Variants in UNC13C observed in about 807,000 individuals in gnomAD.
UNC13C encodes the protein unc-13 homolog C.
Under a neutral mutation model 245.4 loss-of-function variants are expected in UNC13C, and 174 were observed. The observed-to-expected ratio is 0.71, with a 90% CI of 0.63 to 0.80. The LOEUF (loss-of-function observed/expected upper bound fraction) is 0.80. Ranked by LOEUF, UNC13C falls within the 30% of genes least tolerant of loss-of-function variation. UNC13C has a pLI of 0.00. For synonymous variants in UNC13C, 992 were observed against 895.1 expected, an observed-to-expected ratio of 1.11 and a Z score of -1.93; for missense variants, 2,829 against 2,602.9, an observed-to-expected ratio of 1.09 and a Z score of -1.89.
At chr15:54,086,172 T>C (rs2141126900) in intron 2 of UNC13C, among the ~76,000 whole-genome samples, 1 of 152,330 alleles carries the variant, frequency 6.6e-6, no homozygotes, top group African/African-American at 2.4e-5. Flanking sequence ...ACATTTGGTC[T>C]ATCTAGCTGT....
At chr15:54,096,994 A>G (rs1438062784) in intron 2 of UNC13C, among the ~76,000 whole-genome samples, 1 of 152,314 alleles carries the variant, frequency 6.6e-6, no homozygotes, top group Admixed American at 6.5e-5. Context: ...ATATATTCCC[A>G]TATATTTCTG....
intron 14 of UNC13C, among the ~76,000 whole-genome samples, chr15:54,329,081 G>GTT (rs36002521): frequency 0.01 from 1,258 of 121,554 alleles, 19 homozygotes; most frequent in African/African-American, 0.036. Context: ...ATTAAACCAA[G>GTT]TTTTTTTTTT....
intron 17 of UNC13C, among the ~76,000 whole-genome samples, chr15:54,375,383 G>A (rs1044375117): frequency 6.6e-6 from 1 of 152,182 alleles, no homozygotes; most frequent in East Asian, 1.9e-4. Context: ...ATAACCACCA[G>A]TGAGTAATGC....
Position 54,268,307 on chromosome 15 carries a change from G to A in UNC13C, c.3818+2811G>A, listed in dbSNP as rs750657306. Among the ~76,000 whole-genome samples the A allele has an allele frequency of 4.6e-5, 7 of 151,914 alleles. No homozygotes were observed. The East Asian group carries it at 1.2e-3, about 25-fold the overall frequency. Reference sequence around the variant, plus strand: ...TTTCCATCCTAGGAAATCCTAACTGGGTCTTTGCATCTTCCATGCCTCAAC... The same window carrying A: ...TTTCCATCCTAGGAAATCCTAACTGAGTCTTTGCATCTTCCATGCCTCAAC... On this transcript the variant is annotated intron_variant, in intron 10 of 32. Transcript: ENST00000260323.
chr15:54,547,304 G>A (rs1195372567), intron 27 of UNC13C, among the ~76,000 whole-genome samples: 1 of 152,044 alleles, frequency 6.6e-6, no homozygotes, highest in Non-Finnish European at 1.5e-5. Context: ...AATAGAGGAG[G>A]CATCTTTTAG....
chr15:54,271,688 T>G (rs1341929713), intron 10 of UNC13C, among the ~76,000 whole-genome samples: 1 of 152,218 alleles, frequency 6.6e-6, no homozygotes, highest in Non-Finnish European at 1.5e-5. Context: ...ATAAAGCTGA[T>G]AGTAGATATG....
intron 18 of UNC13C, among the ~76,000 whole-genome samples, chr15:54,411,975 A>G (rs976186974): frequency 6.6e-6 from 1 of 152,126 alleles, no homozygotes; most frequent in Admixed American, 6.6e-5. Flanking sequence ...TCAATACTTC[A>G]TAGTTTTCTT....
the UNC13C span, among the ~76,000 whole-genome samples, chr15:53,908,685 G>T: frequency 7.3e-6 from 1 of 137,396 alleles, no homozygotes. Context: ...TTGGGAGGTT[G>T]AAGCTGCAGT....
At chr15:53,979,844 T>A (rs1017268911) in intron 1 of UNC13C, among the ~76,000 whole-genome samples, 7 of 152,158 alleles carry the variant, frequency 4.6e-5, no homozygotes, top group African/African-American at 1.7e-4. Context: ...ACTTAATGAT[T>A]TTTAGAAAAT....
At chr15:54,461,204 C>T (rs1363432844) in intron 19 of UNC13C, among the ~76,000 whole-genome samples, 1 of 151,778 alleles carries the variant, frequency 6.6e-6, no homozygotes, top group African/African-American at 2.4e-5. Flanking sequence ...GTTGAGCATC[C>T]CAAATCCAAA....
At chr15:54,066,913 G>A (rs1898102043) in intron 2 of UNC13C, among the ~76,000 whole-genome samples, 1 of 152,024 alleles carries the variant, frequency 6.6e-6, no homozygotes, top group African/African-American at 2.4e-5. Context: ...GTGCTGAAGG[G>A]GAAAACAGAA....
At chr15:54,494,969 G>A (rs1313879591) in intron 20 of UNC13C, among the ~76,000 whole-genome samples, 1 of 151,986 alleles carries the variant, frequency 6.6e-6, no homozygotes, top group Non-Finnish European at 1.5e-5. Context: ...GACAAAAAAT[G>A]CATAATAAGA....
chr15:54,626,982 C>T lies in UNC13C; in HGVS notation c.6514C>T (p.Leu2172=). The T allele has an allele frequency of 1.2e-6, 2 of 1,613,400 alleles. No individual in the cohort carries two copies. Among genetic ancestry groups the T allele is most frequent in the African/African-American group, 2.7e-5 (2 of 74,986 alleles). The change falls in exon 33 of 33, where the codon CTG becomes TTG. Residue 2172 remains leucine (L), a synonymous_variant. Transcript: ENST00000260323. ...KGSYGAWYPL[L]KNISMDETGL... is the part of the protein sequence containing the mutation. The stretch of plus-strand genomic sequence containing the variant: ...AAGCTATGGGGCATGGTATCCTCTT[C>T]TGAAAAATATCTCTATGGATGAAAC...
the UNC13C span, among the ~76,000 whole-genome samples, chr15:53,929,910 G>T: frequency 2.6e-5 from 4 of 152,138 alleles, no homozygotes; most frequent in Non-Finnish European, 5.9e-5. Context: ...TGATACAGAA[G>T]GAGAGAACTG....
intron 13 of UNC13C, chr15:54,321,644 T>G: frequency 2.8e-6 from 1 of 362,866 alleles, no homozygotes; most frequent in South Asian, 3.2e-5. Context: ...CTGTTCAGGC[T>G]CTTTCAAAAA....
At chr15:54,602,615 C>A (rs1276650974) in intron 30 of UNC13C, among the ~76,000 whole-genome samples, 5 of 152,020 alleles carry the variant, frequency 3.3e-5, no homozygotes, top group Non-Finnish European at 7.4e-5. Flanking sequence ...AGTATTTTAA[C>A]CTTTATTGTA....
intron 30 of UNC13C, among the ~76,000 whole-genome samples, chr15:54,573,606 A>G (rs1897845661): frequency 6.6e-6 from 1 of 152,220 alleles, no homozygotes; most frequent in African/African-American, 2.4e-5. Flanking sequence ...ACAGTGAGAA[A>G]TATGTTCAAA....
chr15:54,104,250 C>A (rs951929924), intron 2 of UNC13C, among the ~76,000 whole-genome samples: 1 of 152,176 alleles, frequency 6.6e-6, no homozygotes, highest in African/African-American at 2.4e-5. Flanking sequence ...ATATCTTTTC[C>A]GGTTTATCTT....
At chr15:54,487,244 C>A (rs1034027714) in intron 19 of UNC13C, among the ~76,000 whole-genome samples, 1 of 152,138 alleles carries the variant, frequency 6.6e-6, no homozygotes, top group Non-Finnish European at 1.5e-5. Flanking sequence ...TGACTATGAG[C>A]AGAACTACCA....
Sources: gnomAD v4.1 joint callset for allele counts (sites outside exome capture counted in the v4.1 genomes callset) on GRCh38, gnomAD v4.1.1 for gene constraint, MANE v1.5 for transcripts, NCBI Gene and HGNC (gene_info 2026-07-23, HGNC 2026-07-21) for gene names.